Variants in HMG20A observed in about 807,000 individuals in gnomAD.
HMG20A encodes the protein high mobility group protein 20A.
HMG20A carries 17 observed loss-of-function variants against 43.9 expected under a neutral mutation model. That is an observed-to-expected ratio of 0.39 (90% confidence interval 0.27 to 0.58). The LOEUF (loss-of-function observed/expected upper bound fraction) is 0.58, where lower values mean the gene tolerates loss of function less well. Ranked by LOEUF, HMG20A falls within the 20% of genes least tolerant of loss-of-function variation. The pLI is 0.59. For synonymous variants in HMG20A, 132 were observed against 147.5 expected, an observed-to-expected ratio of 0.89 and a Z score of 0.76; for missense variants, 341 against 438.2, an observed-to-expected ratio of 0.78 and a Z score of 1.98.
chr15:77,499,158 G>A, the HMG20A span, among the ~76,000 whole-genome samples: 2 of 152,132 alleles, frequency 1.3e-5, no homozygotes, highest in Admixed American at 6.5e-5. Context: ...TGTGCCTTCC[G>A]TTATTCCCAC....
the HMG20A span, among the ~76,000 whole-genome samples, chr15:77,507,129 A>G: frequency 2.6e-5 from 4 of 152,166 alleles, no homozygotes; most frequent in Non-Finnish European, 5.9e-5. Flanking sequence ...TGGGATGTCA[A>G]TCTCTTCCTG....
chr15:77,478,379 G>C lies in HMG20A; in HGVS notation c.776G>C (p.Ser259Thr), dbSNP rs1436835512. 6.2e-7 allele frequency: 1 copy of C among 1,613,626 alleles called. No individual in the cohort carries two copies. The highest frequency in any genetic ancestry group is 1.7e-5 in the Admixed American group (1 of 60,030). ...GCAGCCCTGCAAAAGCACGTGGAGA[G>C]CATGCGCACAGCAGTGGAGAAGCTG... Reference protein sequence around the residue: ...RNAALQKHVESMRTAVEKLEV... With the variant: ...RNAALQKHVETMRTAVEKLEV... The change falls in exon 8 of 10, where the codon AGC (serine) becomes ACC (threonine). Residue 259 changes from serine (S) to threonine (T), a missense_variant. Transcript: ENST00000336216.
chr15:77,449,285 C>T (rs1049748786), intron 1 of HMG20A, among the ~76,000 whole-genome samples: 4 of 152,018 alleles, frequency 2.6e-5, no homozygotes, highest in Admixed American at 1.3e-4. Context: ...TAAATTGCCT[C>T]TTCTCTCTCC....
At chr15:77,447,840 A>G (rs1382487494) in intron 1 of HMG20A, 2 of 152,164 alleles carry the variant, frequency 1.3e-5, no homozygotes, top group African/African-American at 4.8e-5. Flanking sequence ...TTGAAATATA[A>G]ACTCTCTAGG....
chr15:77,432,270 C>T lies in HMG20A; in HGVS notation c.-5+11266C>T, dbSNP rs561332861. Among the ~76,000 whole-genome samples the T allele has an allele frequency of 2.6e-5, 4 of 151,768 alleles. No individual in the cohort carries two copies. The East Asian group carries it at 7.7e-4, about 29-fold the overall frequency. ...CATGTGAATCAGTTAAAGATATACT[C>T]AATGAAAAATTTATAGCCTTAAATG... On this transcript the variant is annotated intron_variant, in intron 1 of 9. Coordinates refer to ENST00000336216, the MANE Select transcript of HMG20A (RefSeq NM_001304504.2).
At chr15:77,439,914 G>T (rs1171790963) in intron 1 of HMG20A, among the ~76,000 whole-genome samples, 1 of 151,740 alleles carries the variant, frequency 6.6e-6, no homozygotes, top group Non-Finnish European at 1.5e-5. Flanking sequence ...TTTTATTTTA[G>T]CCATTCTGGT....
intron 1 of HMG20A, among the ~76,000 whole-genome samples, chr15:77,427,577 C>T (rs2073439321): frequency 6.6e-6 from 1 of 152,118 alleles, no homozygotes. Flanking sequence ...ATAAGTGTTT[C>T]CATACCTTGG....
At chr15:77,436,356 C>T (rs2073548078) in intron 1 of HMG20A, among the ~76,000 whole-genome samples, 1 of 152,172 alleles carries the variant, frequency 6.6e-6, no homozygotes, top group Non-Finnish European at 1.5e-5. Flanking sequence ...GCTACATCTC[C>T]ACTGTTGTTA....
In HMG20A at chr15:77,478,456, C is replaced by T. The variant is rs1280303306; in HGVS notation, c.853C>T (p.Leu285=). 1.9e-6 allele frequency: 3 copies of T among 1,612,076 alleles called. No homozygotes were observed. The African/African-American group carries it at 4.0e-5, about 22-fold the overall frequency. ...RSRNTVLQQH[L]ETLRQVLTSS... ...CCGCAACACAGTCTTACAGCAGCACCTGGAGACCCTGCGGCAGGTGCTGAC... is the reference window on the plus strand; with the variant it reads ...CCGCAACACAGTCTTACAGCAGCACTTGGAGACCCTGCGGCAGGTGCTGAC... The change falls in exon 8 of 10, where the codon CTG becomes TTG. Residue 285 remains leucine, a synonymous_variant. Coordinates refer to ENST00000336216, the MANE Select transcript of HMG20A (RefSeq NM_001304504.2).
intron 1 of HMG20A, among the ~76,000 whole-genome samples, chr15:77,423,631 T>G (rs1215359049): frequency 1.3e-5 from 2 of 152,226 alleles, no homozygotes; most frequent in East Asian, 3.8e-4. Flanking sequence ...TTTGAAATAT[T>G]AAAACCGTAG....
chr15:77,450,257 A>C (rs2073721783), intron 1 of HMG20A, among the ~76,000 whole-genome samples: 2 of 151,960 alleles, frequency 1.3e-5, no homozygotes, highest in Admixed American at 6.6e-5. Flanking sequence ...AGCCTCCCCG[A>C]GTAGCTAGGA....
At chr15:77,465,260 CAAAAAAAAAAA>C (rs71145837) in intron 3 of HMG20A, among the ~76,000 whole-genome samples, 16 of 59,216 alleles carry the variant, frequency 2.7e-4, no homozygotes, top group African/African-American at 9.4e-4. Context: ...GACTTCGTCT[CAAAAAAAAAAA>C]AAAAAAAAAA....
chr15:77,448,699 A>G (rs554754870), intron 1 of HMG20A, among the ~76,000 whole-genome samples: 29 of 152,316 alleles, frequency 1.9e-4, no homozygotes, highest in African/African-American at 5.8e-4. Flanking sequence ...CAATGCATAG[A>G]AAATGCCCAG....
intron 9 of HMG20A, among the ~76,000 whole-genome samples, chr15:77,481,647 A>T (rs1053462161): frequency 6.6e-6 from 1 of 152,198 alleles, no homozygotes; most frequent in African/African-American, 2.4e-5. Context: ...AAAACTTAGA[A>T]TATTACTATT....
intron 1 of HMG20A, among the ~76,000 whole-genome samples, chr15:77,426,201 T>C (rs963890808): frequency 6.6e-6 from 1 of 152,132 alleles, no homozygotes; most frequent in African/African-American, 2.4e-5. Context: ...TATACTAAAA[T>C]ATCTTGTATA....
At chr15:77,442,848 A>G (rs2073627925) in intron 1 of HMG20A, among the ~76,000 whole-genome samples, 1 of 152,144 alleles carries the variant, frequency 6.6e-6, no homozygotes, top group South Asian at 2.1e-4. Flanking sequence ...TTTTTTTACA[A>G]AAAAGAAACT....
chr15:77,498,116 C>A, the HMG20A span, among the ~76,000 whole-genome samples: 99 of 152,238 alleles, frequency 6.5e-4, no homozygotes, highest in Middle Eastern at 3.4e-3. Context: ...GGAGAAAGTG[C>A]GTGGGCCAGG....
the HMG20A span, among the ~76,000 whole-genome samples, chr15:77,494,627 TG>T: frequency 6.6e-6 from 1 of 152,226 alleles, no homozygotes; most frequent in African/African-American, 2.4e-5. Flanking sequence ...CTAAACATAG[TG>T]GCTTATAATG....
downstream of HMG20A, among the ~76,000 whole-genome samples, chr15:77,490,439 A>C (rs1201742304): frequency 6.6e-6 from 1 of 152,204 alleles, no homozygotes; most frequent in Admixed American, 6.5e-5. Flanking sequence ...AGTGGTGGGA[A>C]AAGGCAGATT....
Sources: gnomAD v4.1 joint callset for allele counts (sites outside exome capture counted in the v4.1 genomes callset) on GRCh38, gnomAD v4.1.1 for gene constraint, MANE v1.5 for transcripts, NCBI Gene and HGNC (gene_info 2026-07-23, HGNC 2026-07-21) for gene names.